The following TBC1D32 variants were observed in gnomAD, a reference collection of about 807,000 sequenced individuals.
TBC1D32 encodes the protein TBC1 domain family member 32.
A neutral mutation model predicts 170.3 loss-of-function variants in TBC1D32; 151 were observed. The ratio of observed to expected loss-of-function variants is 0.89; its 90% CI spans 0.78 to 1.01. The LOEUF (loss-of-function observed/expected upper bound fraction) is 1.01, where lower values mean the gene tolerates loss of function less well. Ranked by LOEUF, TBC1D32 falls within the 50% of genes least tolerant of loss-of-function variation. TBC1D32 has a pLI of 0.00. For synonymous variants in TBC1D32, 498 were observed against 488.0 expected, an observed-to-expected ratio of 1.02 and a Z score of -0.27; for missense variants, 1,464 against 1,457.1, an observed-to-expected ratio of 1.00 and a Z score of -0.08.
At chr6:121,179,357 T>C (rs1246925076) in intron 22 of TBC1D32, among the ~76,000 whole-genome samples, 1 of 148,360 alleles carries the variant, frequency 6.7e-6, no homozygotes, top group African/African-American at 2.5e-5. Context: ...AAAAAAAAAG[T>C]ACCAAAAATA....
intron 9 of TBC1D32, 96 bp from the exon 10 acceptor site, chr6:121,299,601 C>T: frequency 1.6e-6 from 2 of 1,236,008 alleles, no homozygotes; most frequent in Admixed American, 2.6e-5. Context: ...ATAAATCACA[C>T]AATAGCTTAG....
intron 20 of TBC1D32, among the ~76,000 whole-genome samples, chr6:121,231,881 T>A (rs1795783829): frequency 6.6e-6 from 1 of 152,230 alleles, no homozygotes; most frequent in South Asian, 2.1e-4. Flanking sequence ...CTGTTTACTC[T>A]GCTGATTATT....
intron 15 of TBC1D32, among the ~76,000 whole-genome samples, chr6:121,275,903 T>A (rs939147312): frequency 3.3e-5 from 5 of 152,048 alleles, no homozygotes; most frequent in Non-Finnish European, 7.4e-5. Flanking sequence ...GGCAGGCAGA[T>A]CGCTTGAGCT....
chr6:121,189,403 C>T (rs1789641731), intron 22 of TBC1D32, among the ~76,000 whole-genome samples: 1 of 151,302 alleles, frequency 6.6e-6, no homozygotes, highest in East Asian at 1.9e-4. Flanking sequence ...TATATTGTTA[C>T]ATGATATTAA....
intron 14 of TBC1D32, among the ~76,000 whole-genome samples, chr6:121,281,117 A>G (rs1802921766): frequency 6.6e-6 from 1 of 151,840 alleles, no homozygotes; most frequent in Admixed American, 6.6e-5. Context: ...ATTCTATATA[A>G]GTGTTCTCTC....
chr6:121,094,176 A>ATT (rs11428033), intron 30 of TBC1D32, among the ~76,000 whole-genome samples: 19 of 147,908 alleles, frequency 1.3e-4, no homozygotes, highest in African/African-American at 2.5e-4. Context: ...TAACTTCTGT[A>ATT]TTTTTTTTTT....
chr6:121,248,251 A>T (rs950549743), intron 17 of TBC1D32, among the ~76,000 whole-genome samples: 1 of 152,112 alleles, frequency 6.6e-6, no homozygotes, highest in Non-Finnish European at 1.5e-5. Flanking sequence ...TAGATATTAA[A>T]AAATCATTTG....
intron 24 of TBC1D32, among the ~76,000 whole-genome samples, chr6:121,137,479 T>TAAAA (rs200145102): frequency 3.0e-5 from 4 of 133,306 alleles, no homozygotes; most frequent in Non-Finnish European, 4.9e-5. Context: ...TGGAAGAAGG[T>TAAAA]AAAAAAAAAA....
intron 4 of TBC1D32, 107 bp downstream of exon 4, chr6:121,310,672 T>C (rs947428114): frequency 2.4e-5 from 18 of 740,736 alleles, no homozygotes; most frequent in Non-Finnish European, 3.9e-5. Flanking sequence ...CCCATAATCA[T>C]AAAGGCTTAG....
intron 24 of TBC1D32, 36 bp downstream of exon 24, chr6:121,159,974 T>TA: frequency 7.2e-7 from 1 of 1,390,256 alleles, no homozygotes; most frequent in Middle Eastern, 1.8e-4. Flanking sequence ...ACAAAAGCTT[T>TA]AAAAATAATA....
chr6:121,321,870 T>G (rs970925869), intron 1 of TBC1D32, 76 bp from the exon 2 acceptor site: 2 of 1,291,192 alleles, frequency 1.5e-6, no homozygotes, highest in Non-Finnish European at 2.1e-6. Flanking sequence ...CACAGAAAGG[T>G]AACATATTAA....
chr6:121,239,658 A>AT (rs575930547), intron 19 of TBC1D32, among the ~76,000 whole-genome samples: 2 of 151,332 alleles, frequency 1.3e-5, no homozygotes, highest in Non-Finnish European at 3.0e-5. Flanking sequence ...AATATAACTA[A>AT]TTTTTTTTTG....
At chr6:121,270,465 A>G (rs189997792) in intron 15 of TBC1D32, among the ~76,000 whole-genome samples, 44 of 152,302 alleles carry the variant, frequency 2.9e-4, no homozygotes, top group African/African-American at 9.1e-4. Context: ...AACTACCATC[A>G]GAGAATACTA....
At chr6:121,334,508 C>T (rs1256111541), upstream of TBC1D32, 18 of 1,473,260 alleles carry the variant, frequency 1.2e-5, no homozygotes, top group Non-Finnish European at 1.6e-5. Context: ...CACGCGCACC[C>T]CCACCCAGCC....
intron 22 of TBC1D32, among the ~76,000 whole-genome samples, chr6:121,177,455 A>G (rs529622802): frequency 6.6e-6 from 1 of 152,256 alleles, no homozygotes; most frequent in South Asian, 2.1e-4. Flanking sequence ...TGCTTCTCGT[A>G]TAGTCTGCAG....
Position 121,240,352 on chromosome 6 carries a change from G to A in TBC1D32, c.2245+1113C>T, listed in dbSNP as rs1583349746. Among the ~76,000 whole-genome samples, 3 of 64,824 alleles carry A rather than the reference G, an allele frequency of 4.6e-5. No homozygotes were observed. The South Asian group carries it at 1.3e-3, about 28-fold the overall frequency. The allele number at this position is 64,824 out of a possible 152,430, so 42.5% of individuals were successfully genotyped here. A position where few individuals can be genotyped will look rare whatever the true frequency, so the allele number is the denominator to read the frequency against. ...GAAAAAAAATTAGTGGTTCAGTTTA[G>A]GACAATTTTTTTTTTTTTTTTTTTT... On this transcript the variant is annotated intron_variant, in intron 19 of 31. Coordinates refer to ENST00000398212, the MANE Select transcript of TBC1D32 (RefSeq NM_152730.6).
chr6:121,108,137 T>C (rs1327487729), intron 29 of TBC1D32, among the ~76,000 whole-genome samples: 2 of 152,184 alleles, frequency 1.3e-5, no homozygotes, highest in African/African-American at 4.8e-5. Context: ...CTTTTTGTCA[T>C]AAAGTAAGCT....
At chr6:121,275,096 G>A (rs144654702) in intron 15 of TBC1D32, among the ~76,000 whole-genome samples, 25 of 152,232 alleles carry the variant, frequency 1.6e-4, no homozygotes, top group Non-Finnish European at 3.4e-4. Context: ...TAAATAAGTC[G>A]ATTGCACAAC....
At chr6:121,299,965 A>G (rs576028909) in intron 9 of TBC1D32, among the ~76,000 whole-genome samples, 2 of 152,324 alleles carry the variant, frequency 1.3e-5, no homozygotes, top group African/African-American at 4.8e-5. Context: ...TCTGCCAACC[A>G]TATTTAAAAA....
Sources: allele counts gnomAD v4.1 joint callset (sites outside exome capture counted in the v4.1 genomes callset), GRCh38; gene constraint gnomAD v4.1.1; transcripts MANE v1.5; gene names NCBI Gene and HGNC (gene_info 2026-07-23, HGNC 2026-07-21).